The following ASTN2 variants were observed in gnomAD, a reference collection of about 807,000 sequenced individuals.
ASTN2 encodes astrotactin 2, also known as astrotactin-2.
ASTN2 carries 54 observed loss-of-function variants against 139.8 expected under a neutral mutation model. The ratio of observed to expected loss-of-function variants is 0.39; its 90% CI spans 0.31 to 0.48. The LOEUF (loss-of-function observed/expected upper bound fraction) is 0.48. ASTN2 is among the 20% of genes least tolerant of loss of function. The pLI, the probability that ASTN2 is intolerant of heterozygous loss-of-function variation, is 0.95. For synonymous variants in ASTN2, 756 were observed against 719.5 expected (o/e 1.05, Z -0.81); for missense variants, 1,565 against 1,725.1 (o/e 0.91, Z 1.64).
intron 13 of ASTN2, among the ~76,000 whole-genome samples, chr9:116,746,600 G>A (rs1829241513): frequency 6.6e-6 from 1 of 152,044 alleles, no homozygotes; most frequent in Admixed American, 6.6e-5. Context: ...TGGGTTCCAG[G>A]GATTGAGACA....
chr9:117,319,501 T>C (rs1390007347), intron 1 of ASTN2, among the ~76,000 whole-genome samples: 2 of 152,092 alleles, frequency 1.3e-5, no homozygotes, highest in Non-Finnish European at 2.9e-5. Flanking sequence ...CAATCTTGGT[T>C]CCCTGCAACC....
intron 11 of ASTN2, among the ~76,000 whole-genome samples, chr9:116,845,429 A>C (rs1832399585): frequency 6.6e-6 from 1 of 152,206 alleles, no homozygotes; most frequent in African/African-American, 2.4e-5. Flanking sequence ...AAAATGTGAG[A>C]GTTCCCGACT....
intron 3 of ASTN2, among the ~76,000 whole-genome samples, chr9:117,197,725 G>A (rs1831553423): frequency 6.6e-6 from 1 of 152,204 alleles, no homozygotes; most frequent in African/African-American, 2.4e-5. Flanking sequence ...CAGTGGAATA[G>A]AATGAACAGG....
At chr9:117,262,837 G>A (rs1375251296) in intron 2 of ASTN2, among the ~76,000 whole-genome samples, 1 of 152,118 alleles carries the variant, frequency 6.6e-6, no homozygotes, top group African/African-American at 2.4e-5. Flanking sequence ...AAGAGAAGGT[G>A]GGAGTGTTGT....
chr9:116,730,715 A>G (rs1333042688), intron 14 of ASTN2, among the ~76,000 whole-genome samples: 3 of 152,198 alleles, frequency 2.0e-5, no homozygotes, highest in African/African-American at 7.2e-5. Flanking sequence ...CCTATCTCCA[A>G]CAGAAGAGGC....
intron 16 of ASTN2, among the ~76,000 whole-genome samples, chr9:116,664,916 G>C (rs1252411635): frequency 2.0e-5 from 3 of 152,152 alleles, no homozygotes; most frequent in African/African-American, 7.2e-5. Flanking sequence ...CAGTGTTGGA[G>C]GTGAGACGGG....
intron 19 of ASTN2, among the ~76,000 whole-genome samples, chr9:116,501,756 G>C (rs1181074797): frequency 6.6e-6 from 1 of 151,978 alleles, no homozygotes; most frequent in Non-Finnish European, 1.5e-5. Context: ...AATGCTAGAT[G>C]ATGAGTTAGT....
intron 4 of ASTN2, among the ~76,000 whole-genome samples, chr9:117,135,907 G>A (rs926025306): frequency 1.1e-4 from 16 of 152,164 alleles, no homozygotes; most frequent in African/African-American, 3.9e-4. Context: ...CCATGTGCTG[G>A]AGGCTGTAGG....
rs527826100 is a variant in ASTN2 at position 116,707,943 on chromosome 9, T to C, written c.2806+17828A>G. Among the ~76,000 whole-genome samples the C allele has an allele frequency of 3.9e-5, 6 of 152,278 alleles. No homozygotes were observed. In the South Asian group the frequency reaches 1.2e-3, roughly 32 times the overall value. ...CTATTGCCCTGCCTAAATTCCCCCA[T>C]AGCCATAGCACCCATTAACTTAAAA... On this transcript the variant is annotated intron_variant, in intron 16 of 22. Coordinates refer to ENST00000313400, the MANE Select transcript of ASTN2 (RefSeq NM_001365068.1).
chr9:117,271,650 G>T (rs1357471291), intron 2 of ASTN2, among the ~76,000 whole-genome samples: 1 of 152,150 alleles, frequency 6.6e-6, no homozygotes, highest in East Asian at 1.9e-4. Context: ...TACAGATATC[G>T]GGTAAACACG....
At chr9:117,240,852 G>A (rs1219681437) in intron 2 of ASTN2, among the ~76,000 whole-genome samples, 1 of 152,152 alleles carries the variant, frequency 6.6e-6, no homozygotes, top group Non-Finnish European at 1.5e-5. Flanking sequence ...GCTTTCTGCA[G>A]ACTCTTTTTC....
chr9:116,614,066 T>C (rs1450465559), intron 19 of ASTN2, among the ~76,000 whole-genome samples: 1 of 152,124 alleles, frequency 6.6e-6, no homozygotes, highest in Non-Finnish European at 1.5e-5. Context: ...ATCACAAGCA[T>C]TCCTATACAC....
At chr9:116,963,654 A>C (rs1348245763) in intron 10 of ASTN2, among the ~76,000 whole-genome samples, 1 of 152,150 alleles carries the variant, frequency 6.6e-6, no homozygotes, top group Non-Finnish European at 1.5e-5. Flanking sequence ...GATATTTTGA[A>C]GGTAGGATGA....
intron 20 of ASTN2, among the ~76,000 whole-genome samples, chr9:116,462,119 C>G (rs1230127070): frequency 6.6e-6 from 1 of 152,160 alleles, no homozygotes; most frequent in African/African-American, 2.4e-5. Context: ...AAACCCAAGC[C>G]TGATTCTAAA....
chr9:116,551,493 C>T (rs1852341890), intron 19 of ASTN2, among the ~76,000 whole-genome samples: 1 of 152,184 alleles, frequency 6.6e-6, no homozygotes, highest in South Asian at 2.1e-4. Flanking sequence ...AAAACCAGCT[C>T]CTGCCCTTCC....
At chr9:117,284,523 G>C (rs1036752427) in intron 2 of ASTN2, among the ~76,000 whole-genome samples, 1 of 152,208 alleles carries the variant, frequency 6.6e-6, no homozygotes, top group African/African-American at 2.4e-5. Flanking sequence ...GAACCTAGAA[G>C]GAAAGCCTGG....
chr9:116,629,406 C>T (rs975349298), intron 17 of ASTN2, among the ~76,000 whole-genome samples: 8 of 152,066 alleles, frequency 5.3e-5, no homozygotes, highest in African/African-American at 1.9e-4. Context: ...CGTGAGCCAC[C>T]GCGCCCGGCC....
chr9:116,692,532 T>C (rs1047845180), intron 16 of ASTN2, among the ~76,000 whole-genome samples: 2 of 152,196 alleles, frequency 1.3e-5, no homozygotes, highest in Non-Finnish European at 2.9e-5. Context: ...TAAAGTCCCT[T>C]TCCATAGATA....
intron 1 of ASTN2, among the ~76,000 whole-genome samples, chr9:117,385,062 C>T (rs1003125080): frequency 6.6e-5 from 10 of 152,032 alleles, no homozygotes; most frequent in African/African-American, 1.2e-4. Flanking sequence ...TATATAGTAT[C>T]GAAGTTTTTG....
Sources: allele counts gnomAD v4.1 joint callset (sites outside exome capture counted in the v4.1 genomes callset), GRCh38; gene constraint gnomAD v4.1.1; transcripts MANE v1.5; gene names NCBI Gene and HGNC (gene_info 2026-07-23, HGNC 2026-07-21).